Variants in C1orf21 observed in about 807,000 individuals in gnomAD.
C1orf21 encodes chromosome 1 open reading frame 21, also known as uncharacterized protein C1orf21.
In C1orf21, 3 loss-of-function variants were observed where a neutral mutation model predicts 18.7. The observed-to-expected ratio is 0.16, with a 90% CI of 0.07 to 0.42. The LOEUF is 0.42. Ranked by LOEUF, C1orf21 falls within the 10% of genes least tolerant of loss-of-function variation. The pLI is 0.99. For synonymous variants in C1orf21, 41 were observed against 46.4 expected, an observed-to-expected ratio of 0.88 and a Z score of 0.47; for missense variants, 104 against 143.6, an observed-to-expected ratio of 0.72 and a Z score of 1.41.
intron 1 of C1orf21, among the ~76,000 whole-genome samples, chr1:184,397,884 G>A (rs1404271114): frequency 2.0e-5 from 3 of 152,182 alleles, no homozygotes; most frequent in Non-Finnish European, 4.4e-5. Flanking sequence ...GCCATCAATT[G>A]TAAGAACACT....
intron 1 of C1orf21, among the ~76,000 whole-genome samples, chr1:184,435,824 G>T (rs1473628418): frequency 6.6e-6 from 1 of 152,222 alleles, no homozygotes; most frequent in East Asian, 1.9e-4. Flanking sequence ...TGATTGAAAG[G>T]CTGGAGTGTA....
At chr1:184,590,646 A>T in intron 3 of C1orf21, 93 bp from the exon 4 acceptor site, 1 of 1,294,748 alleles carries the variant, frequency 7.7e-7, no homozygotes, top group Non-Finnish European at 1.1e-6. Context: ...AGGGCCCCAA[A>T]CAGATTGAAC....
intron 3 of C1orf21, among the ~76,000 whole-genome samples, chr1:184,574,090 A>T (rs1199829043): frequency 6.6e-6 from 1 of 152,146 alleles, no homozygotes; most frequent in Non-Finnish European, 1.5e-5. Context: ...CTGTAATCCC[A>T]GCTACTCGGG....
At chr1:184,422,548 A>G (rs1431418849) in intron 1 of C1orf21, among the ~76,000 whole-genome samples, 1 of 152,218 alleles carries the variant, frequency 6.6e-6, no homozygotes, top group Non-Finnish European at 1.5e-5. Context: ...TACAAAGAGT[A>G]GAACACTGGT....
intron 3 of C1orf21, chr1:184,546,075 A>G: frequency 6.6e-6 from 1 of 152,200 alleles, no homozygotes; most frequent in East Asian, 1.9e-4. Flanking sequence ...TCTTGCCCTA[A>G]GTCTGGTTAT....
chr1:184,616,397 G>A (rs560037703), intron 5 of C1orf21, among the ~76,000 whole-genome samples: 1 of 152,224 alleles, frequency 6.6e-6, no homozygotes, highest in Admixed American at 6.5e-5. Context: ...GATATAAATA[G>A]TACGTAAAAT....
chr1:184,470,920 A>C (rs1429578715), intron 1 of C1orf21, among the ~76,000 whole-genome samples: 2 of 151,782 alleles, frequency 1.3e-5, no homozygotes, highest in Non-Finnish European at 2.9e-5. Flanking sequence ...AAAGTCCAGG[A>C]ATATCTGCCA....
chr1:184,540,716 C>T (rs1346015647), intron 3 of C1orf21, among the ~76,000 whole-genome samples: 1 of 152,194 alleles, frequency 6.6e-6, no homozygotes, highest in African/African-American at 2.4e-5. Flanking sequence ...CAGGCGTGAG[C>T]CACCGTGCCC....
chr1:184,451,116 G>A lies in C1orf21; in HGVS notation c.-124-26270G>A, dbSNP rs1245122932. Among the ~76,000 whole-genome samples the A allele has an allele frequency of 2.0e-5, 3 of 152,190 alleles. No individual in the cohort carries two copies. In the South Asian group the frequency reaches 6.2e-4, roughly 31 times the overall value. ...TGGTCTTGAACTCCTGACCTCAGGT[G>A]ATCCGTCTGCCTCGGCCTCCCAAAC... On this transcript the variant is annotated intron_variant, in intron 1 of 5. Transcript: ENST00000235307.
At chr1:184,495,133 G>A (rs927730568) in intron 2 of C1orf21, among the ~76,000 whole-genome samples, 7 of 152,194 alleles carry the variant, frequency 4.6e-5, no homozygotes, top group Non-Finnish European at 7.3e-5. Context: ...TTTCTTAAGG[G>A]CCAGGGTGCC....
At chr1:184,455,751 A>G (rs1159288180) in intron 1 of C1orf21, among the ~76,000 whole-genome samples, 4 of 152,310 alleles carry the variant, frequency 2.6e-5, no homozygotes, top group Non-Finnish European at 5.9e-5. Context: ...TATCTGCTGA[A>G]TGGGATCATG....
At chr1:184,497,454 G>T (rs895758293) in intron 2 of C1orf21, among the ~76,000 whole-genome samples, 1 of 152,202 alleles carries the variant, frequency 6.6e-6, no homozygotes, top group Non-Finnish European at 1.5e-5. Context: ...GAGAGGGATT[G>T]CCTGCTGCCT....
intron 1 of C1orf21, among the ~76,000 whole-genome samples, chr1:184,411,486 A>G (rs937229868): frequency 1.4e-5 from 2 of 140,914 alleles, no homozygotes; most frequent in African/African-American, 5.6e-5. Context: ...CAGTGGTGCA[A>G]TCTCGGCTCA....
In C1orf21 at chr1:184,623,753, A is replaced by G. The variant is rs186874700; in HGVS notation, c.*4197A>G. ...GGATGTATTTTTCCAAGGGGGGAAT[A>G]GTATCCTTGACTTTGGCAGTCACCT... On this transcript the variant is annotated 3_prime_UTR_variant, in exon 6 of 6. Transcript: ENST00000235307. 1.3e-5 allele frequency: 2 copies of G among 152,788 alleles called. No individual in the cohort carries two copies. Among genetic ancestry groups the G allele is most frequent in the East Asian group, 3.9e-4 (2 of 5,182 alleles). 9.5% of individuals were successfully genotyped at this position (152,788 alleles called of 1,614,324 possible).
At chr1:184,469,587 T>C (rs1485045131) in intron 1 of C1orf21, among the ~76,000 whole-genome samples, 1 of 152,198 alleles carries the variant, frequency 6.6e-6, no homozygotes, top group Non-Finnish European at 1.5e-5. Flanking sequence ...TTCTGAGAGA[T>C]TAATCCAGCT....
At chr1:184,507,041 G>A (rs1468702291) in intron 2 of C1orf21, among the ~76,000 whole-genome samples, 1 of 151,204 alleles carries the variant, frequency 6.6e-6, no homozygotes, top group Non-Finnish European at 1.5e-5. Flanking sequence ...ATTGCAGACT[G>A]CTAAAATTTA....
intron 3 of C1orf21, among the ~76,000 whole-genome samples, chr1:184,510,045 C>T (rs143757461): frequency 1.8e-4 from 28 of 152,134 alleles, no homozygotes; most frequent in African/African-American, 6.3e-4. Context: ...TGATAAGCAC[C>T]ACCTGTAAGA....
chr1:184,549,771 C>T (rs923692063), intron 3 of C1orf21, among the ~76,000 whole-genome samples: 3 of 151,706 alleles, frequency 2.0e-5, no homozygotes, highest in African/African-American at 7.3e-5. Context: ...CACTACAGTC[C>T]CAATATGAGT....
chr1:184,595,804 A>G (rs1451856012), intron 4 of C1orf21, among the ~76,000 whole-genome samples: 1 of 151,978 alleles, frequency 6.6e-6, no homozygotes, highest in African/African-American at 2.4e-5. Context: ...TCCTAACACA[A>G]CCCATGCACC....
Sources: gnomAD v4.1 joint callset for allele counts (sites outside exome capture counted in the v4.1 genomes callset) on GRCh38, gnomAD v4.1.1 for gene constraint, MANE v1.5 for transcripts, NCBI Gene and HGNC (gene_info 2026-07-23, HGNC 2026-07-21) for gene names.